MYRIP: variants seen among roughly 807,000 people sequenced by gnomAD.
MYRIP encodes the protein myosin VIIA and Rab interacting protein.
A neutral mutation model predicts 98.0 loss-of-function variants in MYRIP; 49 were observed. The ratio of observed to expected loss-of-function variants is 0.50; its 90% CI spans 0.40 to 0.63. MYRIP has a LOEUF of 0.63. Ranked by LOEUF, MYRIP falls within the 30% of genes least tolerant of loss-of-function variation. The probability of loss-of-function intolerance (pLI) is 0.00; values close to 1 mark genes in which losing one functional copy is unlikely to be tolerated. For missense variants in MYRIP, 1,004 were observed against 1,058.2 expected, an observed-to-expected ratio of 0.95 and a Z score of 0.71; for synonymous variants, 404 against 409.5, an observed-to-expected ratio of 0.99 and a Z score of 0.16.
rs932237115 is a variant in MYRIP at position 40,258,154 on chromosome 3, T to C, written c.2568T>C (p.Ala856=). The change falls in exon 17 of 17, where the codon GCT becomes GCC. Residue 856 remains alanine, a synonymous_variant. Transcript: ENST00000302541. ...KDLMEPALES[A]VMY is the part of the protein sequence containing the mutation. The stretch of plus-strand genomic sequence containing the variant: ...CTCAGGAGCCTGCTCTGGAGTCAGC[T>C]GTGATGTACTGACACCATGGAATTC... 1 of 1,613,802 alleles carries C rather than the reference T, an allele frequency of 6.2e-7. No homozygotes were observed. Among genetic ancestry groups the C allele is most frequent in the African/African-American group, 1.3e-5 (1 of 74,934 alleles).
chr3:40,028,116 C>A (rs1947176450), intron 2 of MYRIP, among the ~76,000 whole-genome samples: 1 of 152,134 alleles, frequency 6.6e-6, no homozygotes, highest in Non-Finnish European at 1.5e-5. Context: ...CATCATGACA[C>A]CCAACTCCAT....
intron 16 of MYRIP, among the ~76,000 whole-genome samples, chr3:40,253,180 G>A (rs899043083): frequency 1.3e-5 from 2 of 152,144 alleles, no homozygotes; most frequent in Non-Finnish European, 2.9e-5. Context: ...GCTCTAAGGA[G>A]AGATTACAAA....
At chr3:40,214,760 A>T (rs1952067160) in intron 11 of MYRIP, among the ~76,000 whole-genome samples, 1 of 152,204 alleles carries the variant, frequency 6.6e-6, no homozygotes, top group Non-Finnish European at 1.5e-5. Context: ...CCAACCACTG[A>T]ACAGCCATGC....
intron 2 of MYRIP, among the ~76,000 whole-genome samples, chr3:39,942,562 G>A (rs1032409626): frequency 3.3e-5 from 5 of 152,042 alleles, no homozygotes; most frequent in Non-Finnish European, 7.4e-5. Context: ...TGGGCGTACA[G>A]GTGATATTTT....
At chr3:39,912,376 G>A (rs1179514605) in intron 2 of MYRIP, among the ~76,000 whole-genome samples, 3 of 152,144 alleles carry the variant, frequency 2.0e-5, no homozygotes, top group Non-Finnish European at 2.9e-5. Flanking sequence ...ATAATTAAGT[G>A]ATAAAAAGTT....
chr3:40,134,607 G>A (rs553722615), intron 3 of MYRIP, among the ~76,000 whole-genome samples: 3 of 152,346 alleles, frequency 2.0e-5, no homozygotes, highest in South Asian at 2.1e-4. Context: ...CCTGACCCCC[G>A]AGTAGCCTAA....
At chr3:39,809,482 A>T (rs1364034722), upstream of MYRIP, 1 of 146,454 alleles carries the variant, frequency 6.8e-6, no homozygotes, top group Non-Finnish European at 1.5e-5. Flanking sequence ...CGCAGGCGCG[A>T]TCGCGGGCCG....
intron 2 of MYRIP, among the ~76,000 whole-genome samples, chr3:39,907,559 C>A (rs970817814): frequency 6.6e-6 from 1 of 152,126 alleles, no homozygotes; most frequent in African/African-American, 2.4e-5. Context: ...GAGCCTGATC[C>A]CTTTGACACT....
rs554157987 is a variant in MYRIP, at chr3:39,991,808, A to G, written c.111-52242A>G. 1.5e-4 allele frequency among the ~76,000 whole-genome samples: 23 copies of G among 152,188 alleles called. 1 individual carries two copies. The South Asian group carries it at 4.8e-3, about 32-fold the overall frequency. The stretch of plus-strand genomic sequence containing the variant: ...TTTTCTGTAGCCCTTATCACTTTCT[A>G]CTGTGCTGTATAACTTTATTCATTA... On this transcript the variant is annotated intron_variant, in intron 2 of 16. Transcript: ENST00000302541.
chr3:40,033,059 G>T (rs990144360), intron 2 of MYRIP, among the ~76,000 whole-genome samples: 3 of 150,894 alleles, frequency 2.0e-5, no homozygotes, highest in African/African-American at 4.9e-5. Context: ...AGATATTGAT[G>T]GGACGTATCT....
chr3:39,868,414 C>A (rs1351007371), intron 1 of MYRIP, among the ~76,000 whole-genome samples: 1 of 152,134 alleles, frequency 6.6e-6, no homozygotes, highest in African/African-American at 2.4e-5. Context: ...TCCTGCAACA[C>A]CAATTAAGTG....
intron 10 of MYRIP, among the ~76,000 whole-genome samples, chr3:40,196,158 T>C (rs2125638997): frequency 6.6e-6 from 1 of 151,770 alleles, no homozygotes; most frequent in East Asian, 1.9e-4. Flanking sequence ...TTACCAGTCT[T>C]TTTTTTTACT....
At chr3:40,077,462 G>A (rs769064614) in intron 3 of MYRIP, among the ~76,000 whole-genome samples, 2 of 149,084 alleles carry the variant, frequency 1.3e-5, no homozygotes, top group Non-Finnish European at 3.0e-5. Context: ...GATACTGTGT[G>A]TGGACACAAA....
intron 1 of MYRIP, among the ~76,000 whole-genome samples, chr3:39,815,981 A>G (rs1940891816): frequency 6.8e-6 from 1 of 147,718 alleles, no homozygotes. Flanking sequence ...TATAATATCA[A>G]TTCATTTTGT....
chr3:40,214,221 A>G lies in MYRIP; in HGVS notation c.1905+4128A>G, dbSNP rs201413629. Reference sequence around the variant, plus strand: ...TAAGCAGTGAGGAAGTCTAACCACCAAATTGGCTACTGATAGGCCTCATCT... The same window carrying G: ...TAAGCAGTGAGGAAGTCTAACCACCGAATTGGCTACTGATAGGCCTCATCT... On this transcript the variant is annotated intron_variant, in intron 11 of 16. Coordinates refer to ENST00000302541, the MANE Select transcript of MYRIP (RefSeq NM_015460.4). 2.6e-5 allele frequency among the ~76,000 whole-genome samples: 4 copies of G among 152,188 alleles called. No individual in the cohort carries two copies. The East Asian group carries it at 5.8e-4, about 22-fold the overall frequency.
intron 11 of MYRIP, among the ~76,000 whole-genome samples, chr3:40,227,024 T>C (rs1002649384): frequency 9.9e-5 from 15 of 152,200 alleles, no homozygotes; most frequent in Admixed American, 8.5e-4. Flanking sequence ...GGTTGTTCTC[T>C]CTGTAGGTCC....
At position 39,871,543 on chromosome 3, in the gene MYRIP, G is replaced by T. The variant is rs575100413; in HGVS notation, c.-30-29244G>T. The stretch of plus-strand genomic sequence containing the variant: ...GCCGTTTACTTGCCCAGTGACAGTG[G>T]TCAACTTAATTTAACTGTCTTTCGA... On this transcript the variant is annotated intron_variant, in intron 1 of 16. Coordinates refer to ENST00000302541, the MANE Select transcript of MYRIP (RefSeq NM_015460.4). 4.6e-5 allele frequency among the ~76,000 whole-genome samples: 7 copies of T among 152,200 alleles called. No homozygotes were observed. In the South Asian group the frequency reaches 1.5e-3, roughly 32 times the overall value.
intron 2 of MYRIP, among the ~76,000 whole-genome samples, chr3:39,905,467 C>G (rs991127084): frequency 6.6e-6 from 1 of 152,062 alleles, no homozygotes; most frequent in African/African-American, 2.4e-5. Context: ...GCTTGGTGTT[C>G]TACTAGTCAT....
At chr3:40,010,294 G>A (rs767078918) in intron 2 of MYRIP, among the ~76,000 whole-genome samples, 1 of 152,218 alleles carries the variant, frequency 6.6e-6, no homozygotes, top group Non-Finnish European at 1.5e-5. Flanking sequence ...AGGAACTCAC[G>A]GAAAGCTGGC....
Sources: allele counts gnomAD v4.1 joint callset (sites outside exome capture counted in the v4.1 genomes callset), GRCh38; gene constraint gnomAD v4.1.1; transcripts MANE v1.5; gene names NCBI Gene and HGNC (gene_info 2026-07-23, HGNC 2026-07-21).